SLC25A26: variants seen among roughly 807,000 people sequenced by gnomAD.
The protein encoded by SLC25A26 is solute carrier family 25 member 26.
A neutral mutation model predicts 37.8 loss-of-function variants in SLC25A26; 36 were observed. The observed-to-expected ratio is 0.95, with a 90% CI of 0.73 to 1.26. The LOEUF (loss-of-function observed/expected upper bound fraction) is 1.26, where lower values mean the gene tolerates loss of function less well. Among genes scored for constraint, SLC25A26 ranks in the 50% most tolerant of loss-of-function variants. The probability of loss-of-function intolerance (pLI) is 0.00; values close to 1 mark genes in which losing one functional copy is unlikely to be tolerated. For missense variants in SLC25A26, 390 were observed against 331.1 expected (o/e 1.18, Z -1.38); for synonymous variants, 129 against 122.5 (o/e 1.05, Z -0.35).
chr3:66,219,770 A>G (rs1383426864), upstream of SLC25A26, among the ~76,000 whole-genome samples: 2 of 152,220 alleles, frequency 1.3e-5, no homozygotes, highest in Non-Finnish European at 2.9e-5. Context: ...CATCACCTTT[A>G]GAGAGTACTT....
At chr3:66,174,793 CAAAAAGAAAAAAAA>C (rs1003061551) in intron 1 of SLC25A26, among the ~76,000 whole-genome samples, 18 of 96,172 alleles carry the variant, frequency 1.9e-4, no homozygotes, top group South Asian at 3.5e-4. Context: ...GACTCCGTCT[CAAAAAGAAAAAAAA>C]AAAAAGAAAA....
At chr3:66,205,367 G>A (rs893631161) in intron 1 of SLC25A26, among the ~76,000 whole-genome samples, 1 of 152,172 alleles carries the variant, frequency 6.6e-6, no homozygotes, top group Admixed American at 6.5e-5. Flanking sequence ...ACTCATAGGT[G>A]TAGCTATTGT....
chr3:66,254,316 C>G (rs770555363), intron 3 of SLC25A26, among the ~76,000 whole-genome samples: 1 of 152,122 alleles, frequency 6.6e-6, no homozygotes, highest in Non-Finnish European at 1.5e-5. Context: ...AATTGGAAAC[C>G]TGCTTTCTAA....
At chr3:66,158,887 C>T (rs926772517) in intron 1 of SLC25A26, among the ~76,000 whole-genome samples, 1 of 152,044 alleles carries the variant, frequency 6.6e-6, no homozygotes, top group Non-Finnish European at 1.5e-5. Context: ...AGTCTGCACA[C>T]AAGCAGGATG....
intron 1 of SLC25A26, among the ~76,000 whole-genome samples, chr3:66,226,453 A>G (rs1338226858): frequency 6.6e-6 from 1 of 152,024 alleles, no homozygotes; most frequent in East Asian, 1.9e-4. Context: ...GGGGACCCAG[A>G]GCCAAACCAT....
At position 66,243,288 on chromosome 3, in the gene SLC25A26, G is replaced by A. The variant is rs782236870; in HGVS notation, c.276G>A (p.Met92Ile). 1.9e-6 allele frequency: 3 copies of A among 1,604,574 alleles called. No homozygotes were observed. The highest frequency in any genetic ancestry group is 2.6e-6 in the Non-Finnish European group (3 of 1,173,478). ...CATATTTGACACCTATGAAACATAT[G>A]TTGGCTGCCTCTGCTGGAGAAGTGG... ...SSSYLTPMKH[M>I]LAASAGEVVA... is the part of the protein sequence containing the mutation. Residue 92 changes from methionine (M) to isoleucine (I), a missense_variant, in exon 3 of 10, where the codon ATG becomes ATA. By Grantham distance (10) the Met-to-Ile change is conservative. Transcript: ENST00000354883.
chr3:66,164,105 A>G (rs1559556623), intron 1 of SLC25A26, among the ~76,000 whole-genome samples: 2 of 152,224 alleles, frequency 1.3e-5, no homozygotes, highest in South Asian at 4.1e-4. Flanking sequence ...GGCCTATTGT[A>G]GAAATAGAAG....
intron 5 of SLC25A26, among the ~76,000 whole-genome samples, chr3:66,312,552 A>T (rs942376951): frequency 4.8e-5 from 7 of 146,248 alleles, no homozygotes; most frequent in Non-Finnish European, 1.1e-4. Context: ...GAAACAACAG[A>T]AAAAAAAAAA....
chr3:66,187,676 A>G (rs1444218900), intron 1 of SLC25A26, among the ~76,000 whole-genome samples: 3 of 151,308 alleles, frequency 2.0e-5, no homozygotes, highest in Non-Finnish European at 4.4e-5. Flanking sequence ...CAATCCTTCT[A>G]TTTCCATATA....
rs1372680076 is a variant in SLC25A26, at chr3:66,230,306, AAAC to A, written c.34-6233_34-6231del. Among the ~76,000 whole-genome samples the A allele has an allele frequency of 3.9e-5, 6 of 152,210 alleles. No homozygotes were observed. The East Asian group carries it at 7.7e-4, about 20-fold the overall frequency. ...ATGGTTAGTACCAAAAGTGAAATAT[AAAC>A]AACATTATATACTAGAGTCAAGGAC... On this transcript the variant is annotated intron_variant, in intron 1 of 9. Coordinates refer to ENST00000354883, the MANE Select transcript of SLC25A26 (RefSeq NM_001379210.1).
intron 9 of SLC25A26, among the ~76,000 whole-genome samples, chr3:66,373,024 A>G (rs1265017707): frequency 6.6e-6 from 1 of 152,206 alleles, no homozygotes; most frequent in Non-Finnish European, 1.5e-5. Flanking sequence ...TCTGGCGCAT[A>G]TGGGAGTACA....
At chr3:66,336,674 T>C (rs2076098418) in intron 5 of SLC25A26, among the ~76,000 whole-genome samples, 1 of 152,174 alleles carries the variant, frequency 6.6e-6, no homozygotes. Context: ...TAACCAAAAA[T>C]GAACTTCCTG....
intron 5 of SLC25A26, among the ~76,000 whole-genome samples, chr3:66,323,648 AG>A (rs888214635): frequency 3.3e-5 from 5 of 152,224 alleles, no homozygotes; most frequent in African/African-American, 1.2e-4. Context: ...CTCTACAAAA[AG>A]AAAAAAATAC....
At chr3:66,370,193 A>G (rs332379) in intron 8 of SLC25A26, among the ~76,000 whole-genome samples, 11,291 of 152,284 alleles carry the variant, frequency 0.074, 558 homozygotes, top group African/African-American at 0.14. Flanking sequence ...TGCAGGTTTC[A>G]TAGTTGTACC....
intron 1 of SLC25A26, among the ~76,000 whole-genome samples, chr3:66,166,645 C>A (rs36181363): frequency 0.38 from 57,503 of 152,016 alleles, 11,299 homozygotes; most frequent in African/African-American, 0.49. Flanking sequence ...TAGGGCTAAC[C>A]ATATTGGCAC....
intron 5 of SLC25A26, among the ~76,000 whole-genome samples, chr3:66,301,827 A>C (rs549217539): frequency 6.6e-6 from 1 of 152,188 alleles, no homozygotes; most frequent in African/African-American, 2.4e-5. Flanking sequence ...AAGGTAGCCT[A>C]TCTGGATTCA....
chr3:66,271,114 T>G (rs2073942169), intron 5 of SLC25A26, among the ~76,000 whole-genome samples: 2 of 152,318 alleles, frequency 1.3e-5, no homozygotes, highest in African/African-American at 4.8e-5. Context: ...ATTTAAACGT[T>G]GTGACCATAA....
intron 3 of SLC25A26, 29 bp from the exon 4 acceptor site, chr3:66,262,022 T>C (rs1432061331): frequency 7.3e-7 from 1 of 1,376,096 alleles, no homozygotes; most frequent in South Asian, 1.3e-5. Context: ...TTATTTACTT[T>C]TTAGGATATA....
chr3:66,288,431 G>A (rs998772192), intron 5 of SLC25A26, among the ~76,000 whole-genome samples: 41 of 152,012 alleles, frequency 2.7e-4, no homozygotes, highest in African/African-American at 5.3e-4. Context: ...CCATCAACCC[G>A]TCTTATACAT....
Sources: allele counts gnomAD v4.1 joint callset (sites outside exome capture counted in the v4.1 genomes callset), GRCh38; gene constraint gnomAD v4.1.1; transcripts MANE v1.5; gene names NCBI Gene and HGNC (gene_info 2026-07-23, HGNC 2026-07-21).